Variants in POLR1A observed in about 807,000 individuals in gnomAD.
POLR1A encodes RNA polymerase I subunit A.
POLR1A carries 84 observed loss-of-function variants against 205.3 expected under a neutral mutation model. The observed-to-expected ratio is 0.41, with a 90% CI of 0.34 to 0.49. The LOEUF is 0.49. Ranked by LOEUF, POLR1A falls within the 20% of genes least tolerant of loss-of-function variation. The pLI, the probability that POLR1A is intolerant of heterozygous loss-of-function variation, is 0.22. For synonymous variants in POLR1A, 799 were observed against 863.7 expected, an observed-to-expected ratio of 0.93 and a Z score of 1.31; for missense variants, 1,645 against 2,204.5, an observed-to-expected ratio of 0.75 and a Z score of 5.08.
chr2:86,096,154 T>A (rs534632493), intron 3 of POLR1A, among the ~76,000 whole-genome samples: 1 of 151,916 alleles, frequency 6.6e-6, no homozygotes, highest in Non-Finnish European at 1.5e-5. Context: ...ATGAATTAGC[T>A]GAAAAAGAAA....
At position 86,029,897 on chromosome 2, in the gene POLR1A, G is replaced by A. The variant is rs1023269847; in HGVS notation, c.4779+299C>T. Among the ~76,000 whole-genome samples the A allele has an allele frequency of 2.6e-5, 4 of 152,260 alleles. No homozygotes were observed. The South Asian group carries it at 8.3e-4, about 32-fold the overall frequency. ...TTACAGGTGTGAACCACCACGCCCG[G>A]CCCGAGGGTCTTAATTTCAAGGAAA... On this transcript the variant is annotated intron_variant, in intron 31 of 33. Transcript: ENST00000263857.
At chr2:86,092,552 C>G (rs570179822) in intron 3 of POLR1A, among the ~76,000 whole-genome samples, 71 of 152,352 alleles carry the variant, frequency 4.7e-4, no homozygotes, top group African/African-American at 1.7e-3. Flanking sequence ...CGGCTGGGCA[C>G]AGTGGCTCAT....
At chr2:86,068,440 T>C (rs1312741779) in intron 13 of POLR1A, among the ~76,000 whole-genome samples, 14 of 136,114 alleles carry the variant, frequency 1.0e-4, no homozygotes, top group Non-Finnish European at 1.1e-4. Context: ...CTTGGCCTCA[T>C]TGCTGGCTGA....
At position 86,027,364 on chromosome 2, in the gene POLR1A, G is replaced by T; in HGVS notation, c.*59C>A. On this transcript the variant is annotated 3_prime_UTR_variant, in exon 34 of 34. Transcript: ENST00000263857. The stretch of plus-strand genomic sequence containing the variant: ...CCTGGTCCTCTCATGCAGAAGGCAG[G>T]CTGGGCCACGCCCTCACCAAGGGTC... 7.3e-7 allele frequency: 1 copy of T among 1,376,052 alleles called. No individual in the cohort carries two copies. The highest frequency in any genetic ancestry group is 1.0e-6 in the Non-Finnish European group (1 of 962,926). 85.2% of individuals were successfully genotyped at this position (1,376,052 alleles called of 1,614,324 possible).
At chr2:86,032,460 C>T in intron 28 of POLR1A, 78 bp from the exon 29 acceptor site, 1 of 1,034,462 alleles carries the variant, frequency 9.7e-7, no homozygotes, top group South Asian at 1.3e-5. Context: ...CACCCACCAA[C>T]CCATCCATCC....
At chr2:86,061,396 A>G (rs311586) in intron 14 of POLR1A, among the ~76,000 whole-genome samples, 135,473 of 152,288 alleles carry the variant, frequency 0.89, 60,595 homozygotes, top group East Asian at 0.98. Context: ...GCAGTGAGCC[A>G]AGATGGCACA....
rs1356626654 is a variant in POLR1A, at chr2:86,041,202, TAC to T, written c.3573-645_3573-644del. Among the ~76,000 whole-genome samples the T allele has an allele frequency of 4.5e-5, 5 of 110,004 alleles. No homozygotes were observed. In the South Asian group the frequency reaches 9.4e-4, roughly 21 times the overall value. The allele number at this position is 110,004 out of a possible 152,430, so 72.2% of individuals were successfully genotyped here. A position where few individuals can be genotyped will look rare whatever the true frequency, so the allele number is the denominator to read the frequency against. ...GTGTGTGTGTGTGTGCGCGCTGAGC[TAC>T]AGTGTCTGTGTGTGTGTGTGTGTGT... On this transcript the variant is annotated intron_variant, in intron 24 of 33. Coordinates refer to ENST00000263857, the MANE Select transcript of POLR1A (RefSeq NM_015425.6).
chr2:86,068,349 G>A (rs1413341441), intron 13 of POLR1A, among the ~76,000 whole-genome samples: 1 of 138,552 alleles, frequency 7.2e-6, no homozygotes, highest in African/African-American at 2.6e-5. Context: ...CTTGGCTGTC[G>A]AGTGGGGCTA....
chr2:86,048,737 G>T, intron 18 of POLR1A, 147 bp downstream of exon 18: 1 of 699,874 alleles, frequency 1.4e-6, no homozygotes, highest in Non-Finnish European at 2.4e-6. Flanking sequence ...AAAACAACGA[G>T]TTCTACCCAT....
chr2:86,027,649 G>A, intron 33 of POLR1A, 126 bp from the exon 34 acceptor site: 1 of 888,576 alleles, frequency 1.1e-6, no homozygotes, highest in Non-Finnish European at 1.8e-6. Flanking sequence ...GAAGCTGATG[G>A]GATCACGAGG....
At chr2:86,098,547 G>T in intron 3 of POLR1A, 64 bp downstream of exon 3, 1 of 1,519,298 alleles carries the variant, frequency 6.6e-7, no homozygotes, top group Non-Finnish European at 9.0e-7. Flanking sequence ...CAACATACAA[G>T]CATCTCTTGT....
intron 13 of POLR1A, 32 bp downstream of exon 13, chr2:86,069,986 T>C (rs376117457): frequency 2.5e-4 from 397 of 1,598,548 alleles, no homozygotes; most frequent in Non-Finnish European, 3.2e-4. Flanking sequence ...ATGCTGACGA[T>C]GACCACGGAA....
At chr2:86,077,274 G>A (rs891561300) in intron 11 of POLR1A, among the ~76,000 whole-genome samples, 5 of 152,192 alleles carry the variant, frequency 3.3e-5, no homozygotes, top group East Asian at 3.8e-4. Context: ...GTGAGAAGAC[G>A]AAGCTAGCTC....
Position 86,088,588 on chromosome 2 carries a change from G to A in POLR1A, c.708C>T (p.Gly236=). ...CACCCAGGGGCTCAGAGTCCTTCTG[G>A]CCAGCTGTCCTGTGCACCATGGCTG... ...TFPAMVHRTA[G]QKDSEPLGIE... Residue 236 remains glycine (G), a synonymous_variant, in exon 6 of 34, where the codon GGC becomes GGT. Transcript: ENST00000263857. The A allele has an allele frequency of 6.2e-7, 1 of 1,613,492 alleles. No homozygotes were observed. The highest frequency in any genetic ancestry group is 8.5e-7 in the Non-Finnish European group (1 of 1,179,376).
chr2:86,042,734 C>A (rs150016878), intron 23 of POLR1A, among the ~76,000 whole-genome samples: 131 of 152,042 alleles, frequency 8.6e-4, no homozygotes, highest in African/African-American at 2.9e-3. Context: ...TTCCTTCACA[C>A]CTGGGATCGC....
At chr2:86,034,029 G>T (rs1227526592) in intron 27 of POLR1A, among the ~76,000 whole-genome samples, 2 of 152,210 alleles carry the variant, frequency 1.3e-5, no homozygotes, top group African/African-American at 2.4e-5. Context: ...CACTCCCGGG[G>T]TATGAGTAGG....
Position 86,032,262 on chromosome 2 carries a change from G to A in POLR1A, c.4272+10C>T. ...ACCACAGCTCCTTCACCCCACACAG[G>A]GTCTCTCACCTCCTCCTCCTGCTTC... is the stretch of plus-strand genomic sequence containing the variant. On this transcript the variant is annotated intron_variant, in intron 29 of 33. Coordinates refer to ENST00000263857, the MANE Select transcript of POLR1A (RefSeq NM_015425.6). The A allele has an allele frequency of 1.9e-6, 3 of 1,568,192 alleles. No homozygotes were observed. Among genetic ancestry groups the A allele is most frequent in the Non-Finnish European group, 2.6e-6 (3 of 1,138,198 alleles).
Position 86,024,025 on chromosome 2 carries a change from A to G in POLR1A, c.*3398T>C, listed in dbSNP as rs6707736. ...CGGCCTCCCAACGTATTGGGATTAC[A>G]GGTGTGAACGCCTGGCCTGGCCTCA... On this transcript the variant is annotated 3_prime_UTR_variant, in exon 34 of 34. Coordinates refer to ENST00000263857, the MANE Select transcript of POLR1A (RefSeq NM_015425.6). 23,276 of 152,244 alleles carry G rather than the reference A, an allele frequency of 0.15. 1,955 individuals are homozygous for G. The highest frequency in any genetic ancestry group is 0.22 in the African/African-American group (9,038 of 41,258). The allele number at this position is 152,244 out of a possible 1,614,324, so 9.4% of individuals were successfully genotyped here. A position where few individuals can be genotyped will look rare whatever the true frequency, so the allele number is the denominator to read the frequency against.
chr2:86,039,507 C>T, intron 25 of POLR1A, 45 bp from the exon 26 acceptor site: 1 of 1,611,234 alleles, frequency 6.2e-7, no homozygotes, highest in South Asian at 1.1e-5. Context: ...GGCAACCAGA[C>T]CTTCTGTTTG....
Sources: gnomAD v4.1 joint callset for allele counts (sites outside exome capture counted in the v4.1 genomes callset) on GRCh38, gnomAD v4.1.1 for gene constraint, MANE v1.5 for transcripts, NCBI Gene and HGNC (gene_info 2026-07-23, HGNC 2026-07-21) for gene names.